The following AGAP1 variants were observed in gnomAD, a reference collection of about 807,000 sequenced individuals.
AGAP1 encodes the protein ArfGAP with GTPase domain, ankyrin repeat and PH domain 1, also known as arf-GAP with GTPase, ANK repeat and PH domain-containing protein 1.
In AGAP1, 29 loss-of-function variants were observed where a neutral mutation model predicts 105.3. The observed-to-expected ratio is 0.28, with a 90% CI of 0.21 to 0.38. The LOEUF is 0.38. AGAP1 is among the 10% of genes least tolerant of loss of function. The pLI, the probability that AGAP1 is intolerant of heterozygous loss-of-function variation, is 1.00. For synonymous variants in AGAP1, 509 were observed against 485.9 expected (o/e 1.05, Z -0.63); for missense variants, 998 against 1,165.1 (o/e 0.86, Z 2.09).
Position 236,001,149 on chromosome 2 carries a change from G to A in AGAP1, c.1645+32526G>A, listed in dbSNP as rs1288084898. On this transcript the variant is annotated intron_variant, in intron 13 of 17. Coordinates refer to ENST00000304032, the MANE Select transcript of AGAP1 (RefSeq NM_001037131.3). The surrounding 1 kb of genome is among the most constrained non-coding windows in gnomAD (Gnocchi z 4.7). ...GGAAACACCACATGGAGACTCTGGCGGTGGCTGGGGCAGCGCGGCTGTGGG... is the reference window on the plus strand; with the variant it reads ...GGAAACACCACATGGAGACTCTGGCAGTGGCTGGGGCAGCGCGGCTGTGGG... 1.3e-5 allele frequency among the ~76,000 whole-genome samples: 2 copies of A among 152,148 alleles called. No individual in the cohort carries two copies. Among genetic ancestry groups the A allele is most frequent in the Admixed American group, 6.5e-5 (1 of 15,288 alleles).
rs540623367 is a variant in AGAP1 at position 236,091,319 on chromosome 2, A to G, written c.2115-28873A>G. Among the ~76,000 whole-genome samples the G allele has an allele frequency of 6.6e-5, 10 of 152,304 alleles. No individual in the cohort carries two copies. The South Asian group carries it at 2.1e-3, about 32-fold the overall frequency. Reference sequence around the variant, plus strand: ...GTTCCTCTAAATCCTGAGGGTCTCAACTGTTCCTTTTTCATAATGGAATTT... The same window carrying G: ...GTTCCTCTAAATCCTGAGGGTCTCAGCTGTTCCTTTTTCATAATGGAATTT... On this transcript the variant is annotated intron_variant, in intron 16 of 17. Coordinates refer to ENST00000304032, the MANE Select transcript of AGAP1 (RefSeq NM_001037131.3).
At chr2:236,103,894 C>T (rs961080016) in intron 16 of AGAP1, among the ~76,000 whole-genome samples, 1 of 152,214 alleles carries the variant, frequency 6.6e-6, no homozygotes, top group Non-Finnish European at 1.5e-5. Context: ...GGCACCCCGC[C>T]ATCCTGTCTG....
At chr2:235,684,218 T>C (rs1253772918) in intron 1 of AGAP1, among the ~76,000 whole-genome samples, 1 of 152,122 alleles carries the variant, frequency 6.6e-6, no homozygotes, top group East Asian at 1.9e-4. Flanking sequence ...ATTTTTTGTA[T>C]TTTGTTTAGT....
rs763611976 is a variant in AGAP1, at chr2:236,055,383, G to C, written c.2114+6102G>C. ...TTTCAGTGCTCTCAGGGAGAATTCT[G>C]TTTGTGGAGGAAGCTGCTGTGCTCT... On this transcript the variant is annotated intron_variant, in intron 16 of 17. Transcript: ENST00000304032. This position sits in a 1 kb window ranked among gnomAD's most constrained non-coding sequence, Gnocchi z 6.2. 6.6e-6 allele frequency among the ~76,000 whole-genome samples: 1 copy of C among 152,218 alleles called. No homozygotes were observed. The highest frequency in any genetic ancestry group is 1.5e-5 in the Non-Finnish European group (1 of 68,044).
At chr2:235,917,900 C>T (rs753635453) in intron 11 of AGAP1, among the ~76,000 whole-genome samples, 7 of 152,080 alleles carry the variant, frequency 4.6e-5, no homozygotes, top group Admixed American at 6.6e-5. Flanking sequence ...CGCGGAGTCG[C>T]GAAGCTGCTG....
chr2:235,764,485 C>G (rs534249580), intron 6 of AGAP1, among the ~76,000 whole-genome samples: 1 of 152,298 alleles, frequency 6.6e-6, no homozygotes, highest in African/African-American at 2.4e-5. Flanking sequence ...CTTTGGTGAT[C>G]GTAAAAATCT....
In AGAP1 at chr2:236,120,515, G is replaced by A. The variant is rs2059874988; in HGVS notation, c.2370+68G>A. 17 of 1,589,126 alleles carry A rather than the reference G, an allele frequency of 1.1e-5. No homozygotes were observed. The East Asian group carries it at 1.3e-4, about 13-fold the overall frequency. On this transcript the variant is annotated intron_variant, in intron 17 of 17. Transcript: ENST00000304032. This position sits in a 1 kb window ranked among gnomAD's most constrained non-coding sequence, Gnocchi z 6.0. ...GCACTCTCTGCTTTGTTCTGCTTCC[G>A]TGGGCATCTTTCTGGCAGAAGGCTG...
At chr2:235,790,804 T>G (rs939923658) in intron 6 of AGAP1, among the ~76,000 whole-genome samples, 3 of 152,200 alleles carry the variant, frequency 2.0e-5, no homozygotes, top group African/African-American at 7.2e-5. Context: ...AAATACAGCA[T>G]GGCCTCAAGC....
chr2:235,851,671 A>G (rs2048464818), intron 9 of AGAP1, among the ~76,000 whole-genome samples: 1 of 152,110 alleles, frequency 6.6e-6, no homozygotes, highest in Non-Finnish European at 1.5e-5. Context: ...ACCCGGAAAT[A>G]CAAGTGCAAG....
chr2:235,878,077 C>G (rs1359060212), intron 9 of AGAP1, among the ~76,000 whole-genome samples: 4 of 152,214 alleles, frequency 2.6e-5, no homozygotes, highest in African/African-American at 9.6e-5. Context: ...AGAGTGTGGC[C>G]TCTGCACACT....
chr2:235,685,932 C>G (rs1409725891), intron 1 of AGAP1, among the ~76,000 whole-genome samples: 1 of 152,110 alleles, frequency 6.6e-6, no homozygotes, highest in Non-Finnish European at 1.5e-5. Flanking sequence ...TCCAGAAAGG[C>G]AGGACCACTC....
chr2:235,674,427 T>C (rs1948613094), intron 1 of AGAP1, among the ~76,000 whole-genome samples: 1 of 152,250 alleles, frequency 6.6e-6, no homozygotes, highest in African/African-American at 2.4e-5. Flanking sequence ...GGATGCCGTC[T>C]GGGCCGGCCC....
rs1944602716 is a variant in AGAP1, at chr2:235,573,032, T to TTCTTC, written c.163+78183_163+78184insTCTTC. On this transcript the variant is annotated intron_variant, in intron 1 of 17. Transcript: ENST00000304032. ...TTCTTCTTCTTCTTCTTCTTCTTCTTCTTCTTCTTCTTCTTCTTCTTCTTC... is the reference window on the plus strand; with the variant it reads ...TTCTTCTTCTTCTTCTTCTTCTTCTTTCTTCCTTCTTCTTCTTCTTCTTCTTCTTC... Among the ~76,000 whole-genome samples the TTCTTC allele has an allele frequency of 6.8e-3, 177 of 25,994 alleles. 23 individuals carry two copies. The highest frequency in any genetic ancestry group is 0.049 in the African/African-American group (147 of 3,002). The allele number at this position is 25,994 out of a possible 152,430, so 17.1% of individuals were successfully genotyped here. A position where few individuals can be genotyped will look rare whatever the true frequency, so the allele number is the denominator to read the frequency against.
Position 236,113,700 on chromosome 2 carries a change from G to A in AGAP1, c.2115-6492G>A, listed in dbSNP as rs144437575. ...GTCACCACCCCTCAAGGTCAGGTGC[G>A]GCAAAGCCCGTCAGGCAGCAATGCT... On this transcript the variant is annotated intron_variant, in intron 16 of 17. Transcript: ENST00000304032. This position sits in a 1 kb window ranked among gnomAD's most constrained non-coding sequence, Gnocchi z 4.3. 3.9e-3 allele frequency among the ~76,000 whole-genome samples: 601 copies of A among 152,214 alleles called. 1 individual carries two copies. The highest frequency in any genetic ancestry group is 0.014 in the African/African-American group (571 of 41,520).
At chr2:235,775,116 G>A (rs1375329463) in intron 6 of AGAP1, among the ~76,000 whole-genome samples, 3 of 152,230 alleles carry the variant, frequency 2.0e-5, no homozygotes, top group Admixed American at 6.5e-5. Context: ...TCTGCCTGCA[G>A]CCAGCTGGGG....
intron 16 of AGAP1, among the ~76,000 whole-genome samples, chr2:236,070,608 C>T (rs138539739): frequency 3.3e-5 from 5 of 152,324 alleles, no homozygotes; most frequent in Middle Eastern, 3.4e-3. Flanking sequence ...GAATATTGTT[C>T]AGCCACAGAA....
At chr2:235,780,104 G>T (rs914657156) in intron 6 of AGAP1, among the ~76,000 whole-genome samples, 2 of 152,112 alleles carry the variant, frequency 1.3e-5, no homozygotes, top group African/African-American at 2.4e-5. Flanking sequence ...ACATTCCTGG[G>T]GGGGGCTGCC....
At chr2:235,603,374 G>A (rs1230557272) in intron 1 of AGAP1, among the ~76,000 whole-genome samples, 4 of 152,244 alleles carry the variant, frequency 2.6e-5, no homozygotes, top group East Asian at 1.9e-4. Context: ...CATGAAAAAC[G>A]AACTAAGGCA....
chr2:235,554,438 A>G (rs1943910986), intron 1 of AGAP1, among the ~76,000 whole-genome samples: 1 of 152,220 alleles, frequency 6.6e-6, no homozygotes, highest in Non-Finnish European at 1.5e-5. Flanking sequence ...TGGGAAGGAA[A>G]GAAAACGCCA....
Sources: allele counts gnomAD v4.1 joint callset (sites outside exome capture counted in the v4.1 genomes callset), GRCh38; gene constraint gnomAD v4.1.1; non-coding constraint Gnocchi (gnomAD v3.1); transcripts MANE v1.5; gene names NCBI Gene and HGNC (gene_info 2026-07-23, HGNC 2026-07-21).